The following OVCH1 variants were observed in gnomAD, a reference collection of about 807,000 sequenced individuals.
OVCH1 encodes ovochymase-1.
OVCH1 carries 139 observed loss-of-function variants against 138.4 expected under a neutral mutation model. The observed-to-expected ratio is 1.00, with a 90% confidence interval of 0.87 to 1.16. OVCH1 has a LOEUF of 1.16. Among genes scored for constraint, OVCH1 ranks in the 50% most tolerant of loss-of-function variants. OVCH1 has a pLI of 0.00. For synonymous variants in OVCH1, 453 were observed against 467.8 expected, an observed-to-expected ratio of 0.97 and a Z score of 0.41; for missense variants, 1,367 against 1,357.9, an observed-to-expected ratio of 1.01 and a Z score of -0.11.
chr12:29,491,055 A>C, intron 5 of OVCH1, 42 bp downstream of exon 5: 5 of 1,503,512 alleles, frequency 3.3e-6, no homozygotes, highest in Non-Finnish European at 4.6e-6. Context: ...CTGGACATAC[A>C]GAGAGCTGGA....
intron 27 of OVCH1, among the ~76,000 whole-genome samples, chr12:29,433,000 G>A (rs1941295961): frequency 6.6e-6 from 1 of 152,086 alleles, no homozygotes; most frequent in Non-Finnish European, 1.5e-5. Context: ...CAAGAAAAAC[G>A]AGAGGGCAAA....
intron 3 of OVCH1, among the ~76,000 whole-genome samples, chr12:29,420,487 T>TAAAATGAAAAACTATTAG (rs1482021829): frequency 7.7e-5 from 3 of 38,748 alleles, no homozygotes; most frequent in East Asian, 7.7e-4. Flanking sequence ...AAGCAGCTTT[T>TAAAATGAAAAACTATTAG]TTTTTTTTTT....
At position 29,497,632 on chromosome 12, in the gene OVCH1, TG is replaced by T. The variant is rs1321095160; in HGVS notation, c.54del (p.Arg19GlufsTer3). The T allele has an allele frequency of 4.3e-6, 7 of 1,613,804 alleles. No homozygotes were observed. The highest frequency in any genetic ancestry group is 5.9e-6 in the Non-Finnish European group (7 of 1,179,880). On this transcript the variant is annotated frameshift_variant, in exon 1 of 28. Coordinates refer to ENST00000318184, the Ensembl canonical transcript of OVCH1. LOFTEE classifies it high-confidence loss of function. ...AGGTCCCTAGGCTCACCTAGGCTTC[TG>T]GGGTGGCCGATGACCAGCAACAGCA...
intron 3 of OVCH1, among the ~76,000 whole-genome samples, chr12:29,416,743 T>C (rs1331762090): frequency 1.9e-4 from 29 of 152,224 alleles, no homozygotes; most frequent in Non-Finnish European, 1.6e-4. Flanking sequence ...GAAAAACAGC[T>C]TAGTTTATTA....
At chr12:29,478,853 T>G in exon 9 of OVCH1, 1 of 1,591,740 alleles carries the variant, frequency 6.3e-7, no homozygotes, top group Non-Finnish European at 8.5e-7. Flanking sequence ...ACTCCACTGC[T>G]TGATCGTAAA....
intron 16 of OVCH1, among the ~76,000 whole-genome samples, chr12:29,470,999 T>C (rs1399213984): frequency 6.6e-6 from 1 of 152,200 alleles, no homozygotes; most frequent in Non-Finnish European, 1.5e-5. Context: ...ATATATTTGT[T>C]GGCCACATAA....
At chr12:29,485,593 T>C (rs1173417143) in intron 8 of OVCH1, among the ~76,000 whole-genome samples, 1 of 151,810 alleles carries the variant, frequency 6.6e-6, no homozygotes, top group Non-Finnish European at 1.5e-5. Context: ...GCTAACACGG[T>C]GAAAACACGT....
At chr12:29,462,904 A>G (rs1307766666) in intron 18 of OVCH1, among the ~76,000 whole-genome samples, 2 of 152,142 alleles carry the variant, frequency 1.3e-5, no homozygotes, top group African/African-American at 4.8e-5. Flanking sequence ...CTTGGGGACC[A>G]TCTCCCTTAG....
chr12:29,461,360 G>A (rs141808278), intron 19 of OVCH1, among the ~76,000 whole-genome samples: 37 of 152,240 alleles, frequency 2.4e-4, no homozygotes, highest in African/African-American at 7.9e-4. Flanking sequence ...CTTTTTCTTG[G>A]TTAATTATGA....
intron 26 of OVCH1, among the ~76,000 whole-genome samples, chr12:29,437,155 A>C (rs938035832): frequency 2.0e-4 from 30 of 152,136 alleles, no homozygotes; most frequent in Non-Finnish European, 1.3e-4. Flanking sequence ...TGATTGGTGC[A>C]TTTACAAACC....
intron 16 of OVCH1, among the ~76,000 whole-genome samples, chr12:29,467,185 C>T (rs975602377): frequency 6.6e-6 from 1 of 152,124 alleles, no homozygotes; most frequent in African/African-American, 2.4e-5. Flanking sequence ...TTCAAAGTCA[C>T]CCTCTAAATA....
downstream of OVCH1, chr12:29,427,491 A>G (rs1941198663): frequency 6.5e-7 from 1 of 1,532,414 alleles, no homozygotes; most frequent in Non-Finnish European, 8.8e-7. Context: ...TGAATGATTG[A>G]GGACGTGAAA....
intron 27 of OVCH1, among the ~76,000 whole-genome samples, chr12:29,429,752 A>G (rs780583122): frequency 1.3e-5 from 2 of 152,238 alleles, no homozygotes; most frequent in Admixed American, 6.5e-5. Flanking sequence ...CTGGAATCAA[A>G]TCCAATACTG....
At chr12:29,422,089 G>T (rs550576616) in intron 3 of OVCH1, among the ~76,000 whole-genome samples, 261 of 152,230 alleles carry the variant, frequency 1.7e-3, no homozygotes, top group Non-Finnish European at 3.0e-3. Context: ...CTGCATTAAG[G>T]TTTAAGGGTG....
At chr12:29,467,208 T>C (rs938128606) in intron 16 of OVCH1, among the ~76,000 whole-genome samples, 1 of 152,180 alleles carries the variant, frequency 6.6e-6, no homozygotes, top group Non-Finnish European at 1.5e-5. Context: ...TACTTAGTAG[T>C]GAAGAAACTT....
At chr12:29,458,164 A>G (rs530638876) in intron 19 of OVCH1, among the ~76,000 whole-genome samples, 1 of 152,304 alleles carries the variant, frequency 6.6e-6, no homozygotes, top group South Asian at 2.1e-4. Context: ...TGGAACCACA[A>G]AAGACTCAGA....
At chr12:29,471,125 C>T (rs762222458) in intron 16 of OVCH1, among the ~76,000 whole-genome samples, 59 of 151,968 alleles carry the variant, frequency 3.9e-4, no homozygotes, top group African/African-American at 1.4e-3. Context: ...TAAGGGGTCT[C>T]GAAAGGTGAG....
chr12:29,463,273 C>T (rs570625288), intron 18 of OVCH1, among the ~76,000 whole-genome samples: 1 of 152,084 alleles, frequency 6.6e-6, no homozygotes, highest in South Asian at 2.1e-4. Context: ...ATGGGAGGCC[C>T]GTCCTGCTGC....
the OVCH1 span, among the ~76,000 whole-genome samples, chr12:29,405,512 A>G: frequency 2.0e-5 from 3 of 152,212 alleles, no homozygotes; most frequent in Admixed American, 1.3e-4. Context: ...AAATGCTTTT[A>G]AAGGCTAAAA....
Sources: gnomAD v4.1 joint callset for allele counts (sites outside exome capture counted in the v4.1 genomes callset) on GRCh38, gnomAD v4.1.1 for gene constraint, MANE v1.5 for transcripts, NCBI Gene and HGNC (gene_info 2026-07-23, HGNC 2026-07-21) for gene names.